The following TBC1D32 variants were observed in gnomAD, a reference collection of about 807,000 sequenced individuals.
TBC1D32 encodes protein broad-minded.
In TBC1D32, 151 loss-of-function variants were observed where a neutral mutation model predicts 170.3. The observed-to-expected ratio is 0.89, with a 90% CI of 0.78 to 1.01. The LOEUF is 1.01. TBC1D32 is among the 50% of genes least tolerant of loss of function. The pLI, the probability that TBC1D32 is intolerant of heterozygous loss-of-function variation, is 0.00. For synonymous variants in TBC1D32, 498 were observed against 488.0 expected (o/e 1.02, Z -0.27); for missense variants, 1,464 against 1,457.1 (o/e 1.00, Z -0.08).
chr6:121,170,212 C>T (rs985658735), intron 22 of TBC1D32, among the ~76,000 whole-genome samples: 1 of 151,874 alleles, frequency 6.6e-6, no homozygotes, highest in Non-Finnish European at 1.5e-5. Context: ...TAGTACTCTG[C>T]AAGCACTCTC....
chr6:121,151,986 AT>A (rs1380989987), intron 24 of TBC1D32, among the ~76,000 whole-genome samples: 1 of 152,158 alleles, frequency 6.6e-6, no homozygotes, highest in Non-Finnish European at 1.5e-5. Context: ...TAATTGGGGC[AT>A]TTAGCTTGTT....
At chr6:121,272,537 T>C (rs558172260) in intron 15 of TBC1D32, among the ~76,000 whole-genome samples, 38 of 152,072 alleles carry the variant, frequency 2.5e-4, no homozygotes, top group African/African-American at 8.7e-4. Flanking sequence ...ATCAGAGAAA[T>C]GCAAATCAAA....
chr6:121,229,767 C>T (rs1038404912), intron 20 of TBC1D32, among the ~76,000 whole-genome samples: 3 of 152,056 alleles, frequency 2.0e-5, no homozygotes, highest in Admixed American at 6.6e-5. Context: ...TGGTAGAGTT[C>T]TGATATGGTT....
intron 10 of TBC1D32, among the ~76,000 whole-genome samples, chr6:121,295,512 G>A (rs6569193): frequency 0.99 from 150,350 of 152,156 alleles, 74,321 homozygotes; most frequent in East Asian, 1. Context: ...AAATAGACCA[G>A]CAACTGTATC....
intron 31 of TBC1D32, among the ~76,000 whole-genome samples, chr6:121,083,938 A>G (rs1382549790): frequency 6.6e-6 from 1 of 151,834 alleles, no homozygotes; most frequent in African/African-American, 2.4e-5. Flanking sequence ...TCATTCCTTC[A>G]CCTTGTTCTG....
intron 19 of TBC1D32, among the ~76,000 whole-genome samples, chr6:121,240,396 A>G (rs902892868): frequency 1.5e-5 from 2 of 130,190 alleles, no homozygotes; most frequent in Admixed American, 8.1e-5. Context: ...ACCAAGAAAC[A>G]TGTTTCATAA....
At chr6:121,179,462 C>T (rs1057406283) in intron 22 of TBC1D32, among the ~76,000 whole-genome samples, 5 of 151,280 alleles carry the variant, frequency 3.3e-5, no homozygotes, top group African/African-American at 4.9e-5. Flanking sequence ...AAAAATATAA[C>T]AGATGATAAT....
chr6:121,100,680 G>C (rs1652217602), intron 30 of TBC1D32, among the ~76,000 whole-genome samples: 2 of 151,972 alleles, frequency 1.3e-5, no homozygotes, highest in Admixed American at 6.6e-5. Context: ...AAAAGAACTA[G>C]AGAAGCAAGA....
intron 31 of TBC1D32, among the ~76,000 whole-genome samples, chr6:121,089,047 G>A (rs2128173693): frequency 6.6e-6 from 1 of 152,180 alleles, no homozygotes; most frequent in East Asian, 1.9e-4. Context: ...GCTTTTGATA[G>A]GAAGAAAAAT....
rs778599694 is a variant in TBC1D32 at position 121,113,177 on chromosome 6, C to T, written c.3054G>A (p.Arg1018=). 1.3e-6 allele frequency: 2 copies of T among 1,592,070 alleles called. No individual in the cohort carries two copies. Among genetic ancestry groups the T allele is most frequent in the Non-Finnish European group, 1.7e-6 (2 of 1,170,528 alleles). Reference sequence around the variant, plus strand: ...TTAAGAGACTGAGGAATTTGCCATACCTATATTAAAAGCCCACAAAACATA... The same window carrying T: ...TTAAGAGACTGAGGAATTTGCCATATCTATATTAAAAGCCCACAAAACATA... ...VQQLGIKMTV[R]YGKFLSLLKD... Residue 1018 remains arginine (R), a splice_region_variant and synonymous_variant, in exon 28 of 32, where the codon AGG becomes AGA. Transcript: ENST00000398212.
intron 21 of TBC1D32, 75 bp downstream of exon 21, chr6:121,223,161 G>GT: frequency 1.1e-6 from 1 of 947,996 alleles, no homozygotes; most frequent in Non-Finnish European, 1.6e-6. Flanking sequence ...TCTCTTTTTG[G>GT]TCAAATTACC....
chr6:121,192,809 C>T (rs1790239821), intron 22 of TBC1D32, among the ~76,000 whole-genome samples: 1 of 147,832 alleles, frequency 6.8e-6, no homozygotes, highest in African/African-American at 2.6e-5. Context: ...GCAACATCTC[C>T]TCCCTGACCC....
chr6:121,114,334 C>T (rs905507431), intron 27 of TBC1D32, among the ~76,000 whole-genome samples: 1 of 152,140 alleles, frequency 6.6e-6, no homozygotes, highest in Non-Finnish European at 1.5e-5. Context: ...TTCATAATAA[C>T]TTTGCTTATT....
At chr6:121,217,945 T>C (rs1016059940) in intron 21 of TBC1D32, among the ~76,000 whole-genome samples, 2 of 152,176 alleles carry the variant, frequency 1.3e-5, no homozygotes, top group Admixed American at 6.5e-5. Context: ...TGGCTAATAG[T>C]ACCATACACT....
intron 22 of TBC1D32, among the ~76,000 whole-genome samples, chr6:121,186,926 C>T (rs1051046707): frequency 5.9e-5 from 9 of 151,640 alleles, no homozygotes; most frequent in African/African-American, 2.2e-4. Context: ...TCAAAATATT[C>T]AAAGAGCTTA....
intron 22 of TBC1D32, among the ~76,000 whole-genome samples, chr6:121,193,631 C>T (rs998205634): frequency 2.6e-5 from 4 of 152,174 alleles, no homozygotes; most frequent in African/African-American, 9.7e-5. Context: ...GCCTAGCTAC[C>T]GTAATGGACA....
intron 22 of TBC1D32, chr6:121,170,567 A>T (rs538305929): frequency 1.4e-6 from 2 of 1,423,850 alleles, no homozygotes; most frequent in Non-Finnish European, 1.8e-6. Flanking sequence ...TGTGTAAAAT[A>T]TGTCCCAAAA....
In TBC1D32 at chr6:121,242,200, C is replaced by G. The variant is rs1563044335; in HGVS notation, c.2157+1G>C. The G allele has an allele frequency of 1.2e-6, 2 of 1,610,102 alleles. No individual in the cohort carries two copies. Among genetic ancestry groups the G allele is most frequent in the Non-Finnish European group, 1.7e-6 (2 of 1,178,674 alleles). Reference sequence around the variant, plus strand: ...TGCCTTTGGCAGATGGTAATTCATACCTGTAATTTTTTTGCATATCGATTG... The same window carrying G: ...TGCCTTTGGCAGATGGTAATTCATAGCTGTAATTTTTTTGCATATCGATTG... On this transcript the variant is annotated splice_donor_variant, in intron 18 of 31. Coordinates refer to ENST00000398212, the MANE Select transcript of TBC1D32 (RefSeq NM_152730.6). LOFTEE classifies it high-confidence loss of function.
intron 10 of TBC1D32, among the ~76,000 whole-genome samples, chr6:121,296,399 C>T (rs988609196): frequency 5.3e-5 from 8 of 152,030 alleles, no homozygotes; most frequent in Admixed American, 1.3e-4. Context: ...CTAAATCAAA[C>T]GTCAGGGATC....
Sources: gnomAD v4.1 joint callset for allele counts (sites outside exome capture counted in the v4.1 genomes callset) on GRCh38, gnomAD v4.1.1 for gene constraint, MANE v1.5 for transcripts, NCBI Gene and HGNC (gene_info 2026-07-23, HGNC 2026-07-21) for gene names.